The following EVC2 variants were observed in gnomAD, a reference collection of about 807,000 sequenced individuals.
The protein encoded by EVC2 is EvC ciliary complex subunit 2.
EVC2 carries 148 observed loss-of-function variants against 149.3 expected under a neutral mutation model. The ratio of observed to expected loss-of-function variants is 0.99; its 90% CI spans 0.87 to 1.14. The LOEUF (loss-of-function observed/expected upper bound fraction) is 1.14, where lower values mean the gene tolerates loss of function less well. Among genes scored for constraint, EVC2 ranks in the 50% most tolerant of loss-of-function variants. The probability of loss-of-function intolerance (pLI) is 0.00; values close to 1 mark genes in which losing one functional copy is unlikely to be tolerated. For synonymous variants in EVC2, 776 were observed against 649.9 expected (o/e 1.19, Z -2.95); for missense variants, 1,854 against 1,627.3 (o/e 1.14, Z -2.40).
intron 1 of EVC2, among the ~76,000 whole-genome samples, chr4:5,703,810 T>C (rs115845301): frequency 1.3e-5 from 2 of 152,202 alleles, no homozygotes; most frequent in African/African-American, 4.8e-5. Context: ...TAGAAGGTGA[T>C]AAGAACAGTG....
the EVC2 span, among the ~76,000 whole-genome samples, chr4:5,529,778 T>C: frequency 6.6e-6 from 1 of 152,048 alleles, no homozygotes; most frequent in Non-Finnish European, 1.5e-5. The surrounding 1 kb of genome is among the most constrained non-coding windows in gnomAD (Gnocchi z 4.5). Flanking sequence ...ATGCCCTTGA[T>C]GATACAGAAA....
chr4:5,666,963 G>A (rs969356972), intron 7 of EVC2, among the ~76,000 whole-genome samples: 1 of 152,106 alleles, frequency 6.6e-6, no homozygotes, highest in Non-Finnish European at 1.5e-5. Context: ...GATGTTGATG[G>A]TGCCATTCTA....
At chr4:5,549,913 T>C (rs2108758918) in intron 21 of EVC2, among the ~76,000 whole-genome samples, 1 of 152,304 alleles carries the variant, frequency 6.6e-6, no homozygotes, top group Middle Eastern at 3.4e-3. Context: ...ATAAGTCTTA[T>C]GAAATCTGAT....
intron 9 of EVC2, among the ~76,000 whole-genome samples, chr4:5,642,914 G>C (rs1331929595): frequency 2.0e-5 from 3 of 152,118 alleles, no homozygotes; most frequent in Admixed American, 6.5e-5. Flanking sequence ...TAATGTTTGA[G>C]CAATTTAAAG....
chr4:5,668,556 C>G (rs983562427), intron 7 of EVC2, among the ~76,000 whole-genome samples: 9 of 151,970 alleles, frequency 5.9e-5, no homozygotes, highest in African/African-American at 2.2e-4. Flanking sequence ...AGAAAAAAAT[C>G]GATAAGCTGA....
Position 5,618,402 on chromosome 4 carries a change from G to A in EVC2, c.2706+76C>T, listed in dbSNP as rs1715428455. 4.5e-6 allele frequency: 7 copies of A among 1,558,372 alleles called. No individual in the cohort carries two copies. Among genetic ancestry groups the A allele is most frequent in the Non-Finnish European group, 6.2e-6 (7 of 1,134,132 alleles). On this transcript the variant is annotated intron_variant, in intron 15 of 21. Transcript: ENST00000344408. This position sits in a 1 kb window ranked among gnomAD's most constrained non-coding sequence, Gnocchi z 4.4. ...GGTGAGATGGGCTCAGGCTGGGGAA[G>A]AGGCCAGACCCTGTAGGGCCAGCAG...
At chr4:5,621,066 A>T (rs1242660713) in intron 14 of EVC2, among the ~76,000 whole-genome samples, 1 of 152,228 alleles carries the variant, frequency 6.6e-6, no homozygotes, top group East Asian at 1.9e-4. Flanking sequence ...CACAGAAGAG[A>T]GAGATGGGAA....
intron 16 of EVC2, among the ~76,000 whole-genome samples, chr4:5,609,721 C>T (rs1347686927): frequency 6.6e-6 from 1 of 152,204 alleles, no homozygotes; most frequent in Non-Finnish European, 1.5e-5. Context: ...ATTGTGAAAC[C>T]ATGGGAAATA....
At chr4:5,583,862 T>C (rs1007966416) in intron 17 of EVC2, among the ~76,000 whole-genome samples, 8 of 124,354 alleles carry the variant, frequency 6.4e-5, no homozygotes, top group Middle Eastern at 3.9e-3. Context: ...GAAACACAGT[T>C]TTTTTTTTTT....
chr4:5,593,978 A>T (rs1399682493), intron 16 of EVC2, among the ~76,000 whole-genome samples: 1 of 152,236 alleles, frequency 6.6e-6, no homozygotes, highest in Non-Finnish European at 1.5e-5. Flanking sequence ...CTAGCACGGC[A>T]GTCTGACATT....
At chr4:5,571,474 G>T (rs1287853712) in intron 19 of EVC2, among the ~76,000 whole-genome samples, 2 of 151,890 alleles carry the variant, frequency 1.3e-5, no homozygotes, top group African/African-American at 2.4e-5. Flanking sequence ...TTAAAGAAAT[G>T]GAACATAAAG....
chr4:5,599,411 G>T (rs888954470), intron 16 of EVC2, among the ~76,000 whole-genome samples: 4 of 152,186 alleles, frequency 2.6e-5, no homozygotes, highest in Non-Finnish European at 5.9e-5. Context: ...ATGAGTTCAT[G>T]TCATTTGTAG....
chr4:5,548,142 G>T (rs1450401501), intron 21 of EVC2, among the ~76,000 whole-genome samples: 1 of 152,078 alleles, frequency 6.6e-6, no homozygotes, highest in Non-Finnish European at 1.5e-5. Context: ...ATGCCTTGCT[G>T]CCTTTGGCAG....
intron 7 of EVC2, among the ~76,000 whole-genome samples, chr4:5,674,862 G>A (rs1719890870): frequency 1.3e-5 from 2 of 152,206 alleles, no homozygotes; most frequent in Admixed American, 6.5e-5. Flanking sequence ...AGGCAGAAAG[G>A]ATAGGATGCT....
chr4:5,565,340 G>C lies in EVC2; in HGVS notation c.3577C>G (p.Gln1193Glu). 6.2e-7 allele frequency: 1 copy of C among 1,614,006 alleles called. No homozygotes were observed. The highest frequency in any genetic ancestry group is 1.1e-5 in the South Asian group (1 of 91,076). The change falls in exon 21 of 22, where the codon CAA becomes GAA. Residue 1193 changes from glutamine (Q) to glutamate (E), a missense_variant. Transcript: ENST00000344408. ...CCTCGCAGTTTGCCATCTAAGGCTT[G>C]CCACCAGCTCTGGTGTTTCCTGCAG... Reference protein sequence around the residue: ...GRRRKHQSWWQALDGKLRGDL... With the variant: ...GRRRKHQSWWEALDGKLRGDL...
chr4:5,639,874 T>G (rs752103323), intron 10 of EVC2, among the ~76,000 whole-genome samples: 2 of 152,232 alleles, frequency 1.3e-5, no homozygotes, highest in Admixed American at 6.5e-5. Flanking sequence ...TTACGTGAAC[T>G]GATTTTTTTA....
At position 5,576,334 on chromosome 4, in the gene EVC2, C is replaced by T. The variant is rs779884599; in HGVS notation, c.3178G>A (p.Glu1060Lys). The T allele has an allele frequency of 1.2e-5, 19 of 1,614,096 alleles. No individual in the cohort carries two copies. Among genetic ancestry groups the T allele is most frequent in the East Asian group, 4.5e-5 (2 of 44,890 alleles). ...CTTTCAGAATCCACCTCCCCAGGTT[C>T]GTTCAGAATCCCGGGCCCATCGGCC... ...WVADGPGILN[E>K]PGEVDSERQV... is the part of the protein sequence containing the mutation. Residue 1060 changes from glutamate (E) to lysine (K), a missense_variant, in exon 18 of 22, where the codon GAA becomes AAA. By Grantham distance (56) the Glu-to-Lys change is moderately conservative. Transcript: ENST00000344408. This position sits in a 1 kb window ranked among gnomAD's most constrained non-coding sequence, Gnocchi z 4.5.
In EVC2 at chr4:5,622,978, C is replaced by A. The variant is rs144420242; in HGVS notation, c.2060G>T (p.Arg687Leu). 2 of 1,613,498 alleles carry A rather than the reference C, an allele frequency of 1.2e-6. No homozygotes were observed. The highest frequency in any genetic ancestry group is 1.3e-5 in the African/African-American group (1 of 74,890). The change falls in exon 14 of 22, where the codon CGT (arginine) becomes CTT (leucine). Residue 687 changes from arginine (R) to leucine (L), a missense_variant. By Grantham distance (102) the Arg-to-Leu change is moderately radical. Transcript: ENST00000344408. This position sits in a 1 kb window ranked among gnomAD's most constrained non-coding sequence, Gnocchi z 5.8. ...RELLQKHREQ[R>L]REQASVGEAF... ...CTCGCCGACGGACGCCTGCTCCCTA[C>A]GCTGCTCCCTGTGCTGGAGTTTCAG... is the stretch of plus-strand genomic sequence containing the variant.
rs1202326779 is a variant in EVC2, at chr4:5,567,879, T to C, written c.3557+565A>G. Reference sequence around the variant, plus strand: ...TTAAATGAATAACACTAGCAGGAAATAGAATCTAAGTAATGGGATAAGAAT... The same window carrying C: ...TTAAATGAATAACACTAGCAGGAAACAGAATCTAAGTAATGGGATAAGAAT... On this transcript the variant is annotated intron_variant, in intron 20 of 21. Transcript: ENST00000344408. The surrounding 1 kb of genome is among the most constrained non-coding windows in gnomAD (Gnocchi z 4.4). Among the ~76,000 whole-genome samples the C allele has an allele frequency of 6.6e-6, 1 of 152,114 alleles. No homozygotes were observed. Among genetic ancestry groups the C allele is most frequent in the Middle Eastern group, 3.2e-3 (1 of 316 alleles).
Sources: allele counts gnomAD v4.1 joint callset (sites outside exome capture counted in the v4.1 genomes callset), GRCh38; gene constraint gnomAD v4.1.1; non-coding constraint Gnocchi (gnomAD v3.1); transcripts MANE v1.5; gene names NCBI Gene and HGNC (gene_info 2026-07-23, HGNC 2026-07-21).